WFIKKN1: variants seen among roughly 807,000 people sequenced by gnomAD.
The protein encoded by WFIKKN1 is WAP, Kazal, immunoglobulin, Kunitz and NTR domain-containing protein 1.
A neutral mutation model predicts 4.6 loss-of-function variants in WFIKKN1; 6 were observed. The observed-to-expected ratio is 1.31, with a 90% CI of 0.72 to 2.59. WFIKKN1 has a LOEUF of 2.59. Ranked by LOEUF, WFIKKN1 falls within the 30% of genes most tolerant of loss-of-function variation. The pLI is 0.00. For missense variants in WFIKKN1, 964 were observed against 818.0 expected, an observed-to-expected ratio of 1.18 and a Z score of -2.18; for synonymous variants, 468 against 367.4, an observed-to-expected ratio of 1.27 and a Z score of -3.13.
In WFIKKN1 at chr16:631,518, C is replaced by T. The variant is rs560004000; in HGVS notation, c.171+94C>T. The T allele has an allele frequency of 1.6e-4, 238 of 1,482,484 alleles. 1 individual carries two copies. In the South Asian group the frequency reaches 2.8e-3, roughly 18 times the overall value. 91.8% of individuals were successfully genotyped at this position (1,482,484 alleles called of 1,614,324 possible). A position where few individuals can be genotyped will look rare whatever the true frequency, so the allele number is the denominator to read the frequency against. On this transcript the variant is annotated intron_variant, in intron 1 of 1. Coordinates refer to ENST00000319070, the MANE Select transcript of WFIKKN1 (RefSeq NM_053284.3). ...CCACCTTCTGCCTGGGCTCCCCAGACTTCTGGGGGGTCTGGGTCTGGGCCC... is the reference window on the plus strand; with the variant it reads ...CCACCTTCTGCCTGGGCTCCCCAGATTTCTGGGGGGTCTGGGTCTGGGCCC...
chr16:631,706 T>TA (rs2036951199), intron 1 of WFIKKN1: 1 of 179,226 alleles, frequency 5.6e-6, no homozygotes, highest in Non-Finnish European at 9.5e-6. Context: ...CACCCTCTCC[T>TA]CCCACCCTCT....
Position 633,016 on chromosome 16 carries a change from G to C in WFIKKN1, c.606G>C (p.Thr202=). The C allele has an allele frequency of 1.2e-6, 2 of 1,608,056 alleles. No individual in the cohort carries two copies. The highest frequency in any genetic ancestry group is 1.1e-5 in the South Asian group (1 of 90,518). ...PSPQAVQVGG[T]ASLHCDVSGR... ...CACAGGCGGTGCAGGTTGGGGGTAC[G>C]GCCAGCCTCCACTGCGACGTCAGCG... The change falls in exon 2 of 2, where the codon ACG becomes ACC. Residue 202 remains threonine (T), a synonymous_variant. Transcript: ENST00000319070.
At chr16:631,635 C>T in intron 1 of WFIKKN1, 1 of 372,940 alleles carries the variant, frequency 2.7e-6, no homozygotes, top group South Asian at 4.4e-5. Context: ...CCCCATGTGC[C>T]TCCACCCTGG....
At chr16:632,373 G>A (rs1019180841) in intron 1 of WFIKKN1, 1 of 513,642 alleles carries the variant, frequency 1.9e-6, no homozygotes, top group Non-Finnish European at 3.3e-6. Flanking sequence ...ACTTGCTTGT[G>A]GGTGTGAGGA....
chr16:631,211 GGCTGGTGGCCACA>G lies in WFIKKN1; in HGVS notation c.-42_-30del. On this transcript the variant is annotated 5_prime_UTR_variant, in exon 1 of 2. Transcript: ENST00000319070. ...CTGGGCTCTGTGGAGCCCGAGGAGG[GGCTGGTGGCCACA>G]CCCCCCGGCCCCCTGGCTCGGCGGC... is the stretch of plus-strand genomic sequence containing the variant. 6.6e-7 allele frequency: 1 copy of G among 1,523,204 alleles called. No individual in the cohort carries two copies. The highest frequency in any genetic ancestry group is 8.8e-7 in the Non-Finnish European group (1 of 1,141,102). The allele number at this position is 1,523,204 out of a possible 1,614,324, so 94.4% of individuals were successfully genotyped here.
Position 633,783 on chromosome 16 carries a change from C to T in WFIKKN1, c.1373C>T (p.Ala458Val), listed in dbSNP as rs777219214. 12 of 1,599,462 alleles carry T rather than the reference C, an allele frequency of 7.5e-6. No homozygotes were observed. In the East Asian group the frequency reaches 1.4e-4, roughly 18 times the overall value. ...GCCGCCGGCGGCATCGCCCGCGTGGCGCTCGAGGACGTGCTCAAGGATGAC... is the reference window on the plus strand; with the variant it reads ...GCCGCCGGCGGCATCGCCCGCGTGGTGCTCGAGGACGTGCTCAAGGATGAC... ...PEAAGGIARVALEDVLKDDKM... is the reference protein window; with the variant it reads ...PEAAGGIARVVLEDVLKDDKM... The change falls in exon 2 of 2, where the codon GCG becomes GTG. Residue 458 changes from alanine to valine, a missense_variant. Physicochemically the swap from Ala to Val is moderately conservative, Grantham distance 64. Transcript: ENST00000319070.
intron 1 of WFIKKN1, 187 bp downstream of exon 1, chr16:631,611 C>A: frequency 3.1e-6 from 2 of 643,738 alleles, no homozygotes; most frequent in Non-Finnish European, 4.7e-6. Context: ...CCTCCCCACT[C>A]CAGCTTTCAT....
intron 1 of WFIKKN1, chr16:632,339 C>G: frequency 2.2e-6 from 1 of 452,432 alleles, no homozygotes; most frequent in East Asian, 3.6e-5. Context: ...GTTTCCTCGT[C>G]TGTACAACGT....
Position 633,903 on chromosome 16 carries a change from A to T in WFIKKN1, c.1493A>T (p.Asp498Val), listed in dbSNP as rs747075183. The change falls in exon 2 of 2, where the codon GAC (aspartate) becomes GTC (valine). Residue 498 changes from aspartate to valine, a missense_variant. Transcript: ENST00000319070. ...ACPCPNMTAG[D>V]GPLVIMGEVR... is the part of the protein sequence containing the mutation. ...CCCTGCCCCAACATGACGGCGGGCG[A>T]CGGGCCGCTGGTCATCATGGGTGAG... is the stretch of plus-strand genomic sequence containing the variant. The T allele has an allele frequency of 8.2e-6, 13 of 1,592,580 alleles. No homozygotes were observed. Among genetic ancestry groups the T allele is most frequent in the Admixed American group, 5.3e-5 (3 of 56,958 alleles).
At chr16:632,428 C>A in intron 1 of WFIKKN1, 154 bp from the exon 2 acceptor site, 1 of 970,918 alleles carries the variant, frequency 1.0e-6, no homozygotes, top group Non-Finnish European at 1.4e-6. Context: ...GGTGGCTCCT[C>A]ACACAGGATG....
chr16:631,250 C>T lies in WFIKKN1; in HGVS notation c.-4C>T. ...CCCCCCGGCCCCCTGGCTCGGCGGC[C>T]CTCATGCCCGCCCTACGTCCACTCC... On this transcript the variant is annotated 5_prime_UTR_variant, in exon 1 of 2. Coordinates refer to ENST00000319070, the MANE Select transcript of WFIKKN1 (RefSeq NM_053284.3). The T allele has an allele frequency of 1.3e-6, 2 of 1,553,390 alleles. No homozygotes were observed. The highest frequency in any genetic ancestry group is 2.7e-5 in the African/African-American group (2 of 72,986).
rs1467378352 is a variant in WFIKKN1, at chr16:634,107, T to C, written c.*50T>C. Reference sequence around the variant, plus strand: ...CGTCCTGGTGAATAAACGCACTCCCTGTGCCTCAGACCTCCTGGCTTGCTG... The same window carrying C: ...CGTCCTGGTGAATAAACGCACTCCCCGTGCCTCAGACCTCCTGGCTTGCTG... On this transcript the variant is annotated 3_prime_UTR_variant, in exon 2 of 2. Transcript: ENST00000319070. 6.7e-7 allele frequency: 1 copy of C among 1,482,556 alleles called. No homozygotes were observed. The highest frequency in any genetic ancestry group is 2.3e-5 in the Admixed American group (1 of 43,338). The allele number at this position is 1,482,556 out of a possible 1,614,324, so 91.8% of individuals were successfully genotyped here. A position where few individuals can be genotyped will look rare whatever the true frequency, so the allele number is the denominator to read the frequency against.
chr16:632,557 C>T (rs1448116351), intron 1 of WFIKKN1, 25 bp from the exon 2 acceptor site: 2 of 1,482,036 alleles, frequency 1.3e-6, no homozygotes, highest in South Asian at 1.4e-5. Context: ...ATTGGGGCTC[C>T]CACCTAAGTG....
rs2036972861 is a variant in WFIKKN1, at chr16:633,036, T to C, written c.626T>C (p.Val209Ala). ...VGGTASLHCD[V>A]SGRPPPAVTW... Reference sequence around the variant, plus strand: ...GGTACGGCCAGCCTCCACTGCGACGTCAGCGGCCGCCCGCCGCCTGCTGTG... The same window carrying C: ...GGTACGGCCAGCCTCCACTGCGACGCCAGCGGCCGCCCGCCGCCTGCTGTG... Residue 209 changes from valine to alanine, a missense_variant, in exon 2 of 2, where the codon GTC becomes GCC. Transcript: ENST00000319070. 1.9e-6 allele frequency: 3 copies of C among 1,610,866 alleles called. No individual in the cohort carries two copies. The highest frequency in any genetic ancestry group is 2.5e-6 in the Non-Finnish European group (3 of 1,179,028).
intron 1 of WFIKKN1, chr16:631,970 C>T (rs1483320716): frequency 6.7e-6 from 1 of 148,412 alleles, no homozygotes; most frequent in Non-Finnish European, 1.5e-5. Context: ...CTTCTCTCAC[C>T]CCGTCATTGC....
Position 632,807 on chromosome 16 carries a change from C to T in WFIKKN1, c.397C>T (p.Leu133Phe), listed in dbSNP as rs759225515. ...CAGCTTCACCTGCGCCTCGGACGGCCTCACCTACTACAACCGCTGCTATAT... is the reference window on the plus strand; with the variant it reads ...CAGCTTCACCTGCGCCTCGGACGGCTTCACCTACTACAACCGCTGCTATAT... The part of the protein sequence containing the change: ...EPSFTCASDG[L>F]TYYNRCYMDA... Residue 133 changes from leucine to phenylalanine, a missense_variant, in exon 2 of 2, where the codon CTC becomes TTC. Physicochemically the swap from Leu to Phe is conservative, Grantham distance 22 (BLOSUM62 0). Coordinates refer to ENST00000319070, the MANE Select transcript of WFIKKN1 (RefSeq NM_053284.3). 3 of 1,595,172 alleles carry T rather than the reference C, an allele frequency of 1.9e-6. No individual in the cohort carries two copies. The highest frequency in any genetic ancestry group is 2.2e-5 in the South Asian group (2 of 88,890).
chr16:632,513 G>T, intron 1 of WFIKKN1, 69 bp from the exon 2 acceptor site: 1 of 1,401,784 alleles, frequency 7.1e-7, no homozygotes, highest in Non-Finnish European at 9.3e-7. Flanking sequence ...GCCTCCCCTT[G>T]CAGGGGCCAG....
Position 631,195 on chromosome 16 carries a change from G to C in WFIKKN1, c.-59G>C. 6.7e-7 allele frequency: 1 copy of C among 1,502,164 alleles called. No individual in the cohort carries two copies. The highest frequency in any genetic ancestry group is 8.9e-7 in the Non-Finnish European group (1 of 1,128,004). 93.1% of individuals were successfully genotyped at this position (1,502,164 alleles called of 1,614,324 possible). On this transcript the variant is annotated 5_prime_UTR_variant, in exon 1 of 2. Coordinates refer to ENST00000319070, the MANE Select transcript of WFIKKN1 (RefSeq NM_053284.3). ...GGATGCCTGCAGGAAGCTGGGCTCT[G>C]TGGAGCCCGAGGAGGGGCTGGTGGC...
chr16:632,909 A>T lies in WFIKKN1; in HGVS notation c.499A>T (p.Ser167Cys). The change falls in exon 2 of 2, where the codon AGC (serine) becomes TGC (cysteine). Residue 167 changes from serine to cysteine, a missense_variant. Ser to Cys is a moderately radical substitution (Grantham distance 112). Coordinates refer to ENST00000319070, the MANE Select transcript of WFIKKN1 (RefSeq NM_053284.3). ...CKHVLSWPPS[S>C]PGPPETTARP... The stretch of plus-strand genomic sequence containing the variant: ...GCACGTGCTCAGCTGGCCGCCCAGC[A>T]GCCCGGGGCCGCCGGAGACCACTGC... 6.4e-7 allele frequency: 1 copy of T among 1,564,250 alleles called. No individual in the cohort carries two copies. Among genetic ancestry groups the T allele is most frequent in the East Asian group, 2.3e-5 (1 of 43,938 alleles).
Sources: gnomAD v4.1 joint callset for allele counts on GRCh38, gnomAD v4.1.1 for gene constraint, MANE v1.5 for transcripts, NCBI Gene and HGNC (gene_info 2026-07-23, HGNC 2026-07-21) for gene names.